The following FARP1 variants were observed in gnomAD, a reference collection of about 807,000 sequenced individuals.
The protein encoded by FARP1 is FERM, ARHGEF and pleckstrin domain-containing protein 1.
In FARP1, 52 loss-of-function variants were observed where a neutral mutation model predicts 128.8. That is an observed-to-expected ratio of 0.40 (90% CI 0.32 to 0.51). The LOEUF is 0.51. Among genes scored for constraint, FARP1 ranks in the 20% least tolerant of loss-of-function variants. The pLI is 0.45. For missense variants in FARP1, 1,333 were observed against 1,367.9 expected (o/e 0.97, Z 0.40); for synonymous variants, 580 against 551.8 (o/e 1.05, Z -0.72).
chr13:98,207,282 T>G (rs757645595), intron 1 of FARP1, among the ~76,000 whole-genome samples: 1 of 152,156 alleles, frequency 6.6e-6, no homozygotes, highest in Non-Finnish European at 1.5e-5. Flanking sequence ...ATTTGAGAAC[T>G]AAAGAGAAAG....
intron 1 of FARP1, among the ~76,000 whole-genome samples, chr13:98,181,304 C>T (rs1474740812): frequency 6.6e-6 from 1 of 152,176 alleles, no homozygotes; most frequent in Non-Finnish European, 1.5e-5. Context: ...CTGTGACCGA[C>T]AGCAAATGAC....
At chr13:98,350,925 C>T (rs1888390227) in intron 3 of FARP1, among the ~76,000 whole-genome samples, 1 of 152,028 alleles carries the variant, frequency 6.6e-6, no homozygotes, top group Non-Finnish European at 1.5e-5. Context: ...CAACCAGAGC[C>T]AACCACACCC....
chr13:98,283,649 G>A (rs1885040644), intron 2 of FARP1, among the ~76,000 whole-genome samples: 1 of 151,862 alleles, frequency 6.6e-6, no homozygotes, highest in Admixed American at 6.6e-5. Flanking sequence ...CTTGCTTTAG[G>A]AGAAAGCACC....
intron 1 of FARP1, chr13:98,203,849 C>G (rs1266515915): frequency 1.3e-5 from 2 of 152,158 alleles, no homozygotes; most frequent in Non-Finnish European, 2.9e-5. Context: ...TGCCAAAATG[C>G]TTTTTAAAGT....
chr13:98,333,132 G>A (rs906612896), intron 2 of FARP1: 1 of 152,058 alleles, frequency 6.6e-6, no homozygotes, highest in Non-Finnish European at 1.5e-5. Context: ...TGGAAGTGGT[G>A]TCCTACTTTC....
chr13:98,314,852 C>T (rs888892994), intron 2 of FARP1, among the ~76,000 whole-genome samples: 4 of 152,230 alleles, frequency 2.6e-5, no homozygotes, highest in East Asian at 3.9e-4. Flanking sequence ...AGGGGCAGAC[C>T]GATTGTCCTT....
chr13:98,194,112 TTTATTA>T (rs997791911), intron 1 of FARP1, among the ~76,000 whole-genome samples: 2 of 151,862 alleles, frequency 1.3e-5, no homozygotes, highest in East Asian at 1.9e-4. Flanking sequence ...TTATTTTCTA[TTTATTA>T]TTATTATTAT....
intron 13 of FARP1, chr13:98,396,071 C>CA: frequency 2.5e-6 from 1 of 399,110 alleles, no homozygotes; most frequent in East Asian, 3.6e-5. Context: ...TGTAATAAGT[C>CA]AGAGACAGAT....
At chr13:98,250,738 G>T (rs1883284282) in intron 2 of FARP1, among the ~76,000 whole-genome samples, 1 of 151,644 alleles carries the variant, frequency 6.6e-6, no homozygotes. Flanking sequence ...AAAAGAAAAG[G>T]AAAAAGAAAA....
intron 16 of FARP1, among the ~76,000 whole-genome samples, chr13:98,412,506 C>T (rs186786143): frequency 6.6e-6 from 1 of 152,368 alleles, no homozygotes; most frequent in Non-Finnish European, 1.5e-5. Context: ...CGCACACACA[C>T]ACTTTTACCT....
Position 98,417,455 on chromosome 13 carries a change from GAAAAAAAAAAA to G in FARP1, c.1826+5440_1826+5450del, listed in dbSNP as rs869304302. ...AGGAAACAGAGGCCACCAGAGGTTTGAAAAAAAAAAAAAAAAAAAAAAAAAAAAAGAACACA... is the reference window on the plus strand; with the variant it reads ...AGGAAACAGAGGCCACCAGAGGTTTGAAAAAAAAAAAAAAAAAAGAACACA... On this transcript the variant is annotated intron_variant, in intron 16 of 26. Transcript: ENST00000319562. 6.6e-3 allele frequency among the ~76,000 whole-genome samples: 387 copies of G among 58,484 alleles called. 1 individual carries two copies. The highest frequency in any genetic ancestry group is 9.7e-3 in the Non-Finnish European group (291 of 30,042). The allele number at this position is 58,484 out of a possible 152,430, so 38.4% of individuals were successfully genotyped here.
chr13:98,250,713 T>A (rs1264994407), intron 2 of FARP1, among the ~76,000 whole-genome samples: 1 of 142,526 alleles, frequency 7.0e-6, no homozygotes, highest in African/African-American at 2.5e-5. Context: ...AGAGCAAGAC[T>A]CTGTCTCAAA....
At chr13:98,429,248 T>TG (rs1566312721) in intron 17 of FARP1, among the ~76,000 whole-genome samples, 2 of 152,006 alleles carry the variant, frequency 1.3e-5, no homozygotes, top group African/African-American at 4.8e-5. Flanking sequence ...CCCCGAGGGA[T>TG]GGGGGGTCCT....
chr13:98,253,625 A>G (rs1385057205), intron 2 of FARP1, among the ~76,000 whole-genome samples: 1 of 152,232 alleles, frequency 6.6e-6, no homozygotes, highest in Non-Finnish European at 1.5e-5. Context: ...TCACTTACAA[A>G]GTAGGAAGTG....
intron 23 of FARP1, 34 bp from the exon 24 acceptor site, chr13:98,440,636 G>T (rs1427218714): frequency 6.3e-7 from 1 of 1,589,960 alleles, no homozygotes; most frequent in Non-Finnish European, 8.6e-7. Flanking sequence ...TGGGAGGAAA[G>T]ATCAGAAGTG....
intron 6 of FARP1, chr13:98,381,481 TCCGTCACTGG>T (rs1889885707): frequency 6.6e-6 from 1 of 152,254 alleles, no homozygotes; most frequent in Non-Finnish European, 1.5e-5. Flanking sequence ...CATTTGTTCC[TCCGTCACTGG>T]CCTTGCATCT....
Position 98,449,776 on chromosome 13 carries a change from T to TTGTC in FARP1, c.*1463_*1466dup, listed in dbSNP as rs778538665. ...ATGTTTTAAGGCAAAACAACCAACTTTGTCTGTAGTCTTCATTTTCTGTGT... is the reference window on the plus strand; with the variant it reads ...ATGTTTTAAGGCAAAACAACCAACTTTGTCTGTCTGTAGTCTTCATTTTCTGTGT... On this transcript the variant is annotated 3_prime_UTR_variant, in exon 27 of 27. Coordinates refer to ENST00000319562, the MANE Select transcript of FARP1 (RefSeq NM_005766.4). 1.3e-5 allele frequency: 2 copies of TTGTC among 151,456 alleles called. No homozygotes were observed. Among genetic ancestry groups the TTGTC allele is most frequent in the Non-Finnish European group, 3.0e-5 (2 of 67,776 alleles). 9.4% of individuals were successfully genotyped at this position (151,456 alleles called of 1,614,324 possible).
In FARP1 at chr13:98,435,729, T is replaced by C. The variant is rs1325362406; in HGVS notation, c.2274+23T>C. 2.5e-6 allele frequency: 4 copies of C among 1,612,500 alleles called. No individual in the cohort carries two copies. In the African/African-American group the frequency reaches 5.3e-5, roughly 22 times the overall value. On this transcript the variant is annotated intron_variant, in intron 19 of 26. Coordinates refer to ENST00000319562, the MANE Select transcript of FARP1 (RefSeq NM_005766.4). ...AGGGTAAGCAGCAGTGGCCTCACTATGCACTGCGCGGGGAGCAGAAAGGAG... is the reference window on the plus strand; with the variant it reads ...AGGGTAAGCAGCAGTGGCCTCACTACGCACTGCGCGGGGAGCAGAAAGGAG...
At chr13:98,272,016 C>T (rs1884414012) in intron 2 of FARP1, among the ~76,000 whole-genome samples, 1 of 151,668 alleles carries the variant, frequency 6.6e-6, no homozygotes. Context: ...GCCATACTGT[C>T]TCAAAATACA....
Sources: gnomAD v4.1 joint callset for allele counts (sites outside exome capture counted in the v4.1 genomes callset) on GRCh38, gnomAD v4.1.1 for gene constraint, MANE v1.5 for transcripts, NCBI Gene and HGNC (gene_info 2026-07-23, HGNC 2026-07-21) for gene names.